The following DCDC1 variants were observed in gnomAD, a reference collection of about 807,000 sequenced individuals.
DCDC1 encodes doublecortin domain-containing protein 1.
Under a neutral mutation model 178.3 loss-of-function variants are expected in DCDC1, and 200 were observed. The ratio of observed to expected loss-of-function variants is 1.12; its 90% confidence interval spans 1.00 to 1.26. DCDC1 has a LOEUF of 1.26. Ranked by LOEUF, DCDC1 falls within the 50% of genes most tolerant of loss-of-function variation. The probability of loss-of-function intolerance (pLI) is 0.00; values close to 1 mark genes in which losing one functional copy is unlikely to be tolerated. For synonymous variants in DCDC1, 690 were observed against 604.8 expected, an observed-to-expected ratio of 1.14 and a Z score of -2.07; for missense variants, 1,983 against 1,749.2, an observed-to-expected ratio of 1.13 and a Z score of -2.38.
chr11:31,268,281 G>C (rs1377001538), intron 7 of DCDC1, among the ~76,000 whole-genome samples: 6 of 152,066 alleles, frequency 3.9e-5, no homozygotes, highest in South Asian at 2.1e-4. Flanking sequence ...TCTACTTGAA[G>C]GTAGTCCCAT....
In DCDC1 at chr11:31,226,708, T is replaced by TA. The variant is rs35522659; in HGVS notation, c.1221+14741dup. Among the ~76,000 whole-genome samples, 759 of 130,964 alleles carry TA rather than the reference T, an allele frequency of 5.8e-3. 1 individual carries two copies. Among genetic ancestry groups the TA allele is most frequent in the African/African-American group, 0.019 (673 of 35,234 alleles). 85.9% of individuals were successfully genotyped at this position (130,964 alleles called of 152,430 possible). ...TCTCAAAAAAGCAAGATCTCATCTCTAAAAAAAAAAAAAAAAGAAAGTTTT... is the reference window on the plus strand; with the variant it reads ...TCTCAAAAAAGCAAGATCTCATCTCTAAAAAAAAAAAAAAAAAGAAAGTTTT... On this transcript the variant is annotated intron_variant, in intron 9 of 38. Transcript: ENST00000684477.
At chr11:31,055,128 A>G (rs1955501954) in intron 20 of DCDC1, among the ~76,000 whole-genome samples, 1 of 152,168 alleles carries the variant, frequency 6.6e-6, no homozygotes, top group East Asian at 1.9e-4. Flanking sequence ...AACGAACTCA[A>G]ACACATCAGT....
At chr11:30,965,697 G>C (rs158583) in intron 20 of DCDC1, among the ~76,000 whole-genome samples, 103,723 of 140,174 alleles carry the variant, frequency 0.74, 39,692 homozygotes, top group African/African-American at 0.93. Context: ...GTGCGCTGCA[G>C]CCACTAACGT....
chr11:31,314,510 C>CA (rs1591734789), intron 3 of DCDC1: 1 of 152,202 alleles, frequency 6.6e-6, no homozygotes, highest in East Asian at 1.9e-4. Flanking sequence ...TTCAGAATCT[C>CA]ACAGAGCTGA....
At chr11:30,939,368 G>A (rs1947489832) in intron 21 of DCDC1, among the ~76,000 whole-genome samples, 1 of 152,172 alleles carries the variant, frequency 6.6e-6, no homozygotes, top group Admixed American at 6.5e-5. Context: ...CAGGTTGTGA[G>A]AAACACACTC....
At chr11:30,931,348 G>C (rs190635246) in intron 22 of DCDC1, among the ~76,000 whole-genome samples, 116 of 152,118 alleles carry the variant, frequency 7.6e-4, no homozygotes, top group African/African-American at 2.6e-3. Context: ...TTTGAGAACT[G>C]TATTTGTTCA....
At chr11:31,054,007 A>C (rs1016762120) in intron 20 of DCDC1, among the ~76,000 whole-genome samples, 4 of 152,174 alleles carry the variant, frequency 2.6e-5, no homozygotes, top group Non-Finnish European at 5.9e-5. Flanking sequence ...AAGGACATCC[A>C]AATCATTAAA....
chr11:31,010,562 C>T (rs1038461379), intron 20 of DCDC1, among the ~76,000 whole-genome samples: 7 of 152,174 alleles, frequency 4.6e-5, no homozygotes, highest in Admixed American at 6.5e-5. Flanking sequence ...AACATCCCAT[C>T]ACCTTTGCCA....
chr11:31,120,260 TC>T (rs1960603060), intron 11 of DCDC1, among the ~76,000 whole-genome samples: 1 of 152,120 alleles, frequency 6.6e-6, no homozygotes. Context: ...CCTAAAAATG[TC>T]TCCAAATCAG....
intron 9 of DCDC1, among the ~76,000 whole-genome samples, chr11:31,154,516 G>A (rs1965524039): frequency 2.0e-5 from 3 of 152,172 alleles, no homozygotes. Flanking sequence ...CCTTCTACCA[G>A]ACTGAGCTCC....
intron 9 of DCDC1, among the ~76,000 whole-genome samples, chr11:31,149,250 G>T (rs1189042879): frequency 6.6e-6 from 1 of 152,142 alleles, no homozygotes; most frequent in African/African-American, 2.4e-5. Context: ...GTAGTGAGAG[G>T]TGAAGCCAGC....
intron 1 of DCDC1, among the ~76,000 whole-genome samples, chr11:31,340,423 G>C (rs1950488056): frequency 6.6e-6 from 1 of 152,140 alleles, no homozygotes; most frequent in South Asian, 2.1e-4. Context: ...TGTGATCTGG[G>C]GGAACCAGTG....
chr11:30,932,131 T>A (rs1331405096), intron 21 of DCDC1, among the ~76,000 whole-genome samples, 179 bp from the exon 22 acceptor site: 1 of 152,176 alleles, frequency 6.6e-6, no homozygotes, highest in Non-Finnish European at 1.5e-5. Context: ...AGAGGAAAGA[T>A]AATTATTTTT....
intron 2 of DCDC1, among the ~76,000 whole-genome samples, chr11:31,329,930 G>T (rs1045348862): frequency 6.6e-6 from 1 of 152,210 alleles, no homozygotes; most frequent in East Asian, 1.9e-4. Context: ...TGGGATGGCT[G>T]GGTCAAATGG....
intron 1 of DCDC1, among the ~76,000 whole-genome samples, chr11:31,335,908 A>G (rs1346506674): frequency 6.6e-6 from 1 of 152,158 alleles, no homozygotes; most frequent in Non-Finnish European, 1.5e-5. Flanking sequence ...AGGAAAATAT[A>G]TTACTTTTAA....
chr11:30,952,626 A>G, intron 20 of DCDC1, 58 bp from the exon 21 acceptor site: 1 of 709,492 alleles, frequency 1.4e-6, no homozygotes. Context: ...TCACTTTAAA[A>G]TATTCATTTT....
At chr11:30,991,769 G>A (rs1951001077) in intron 20 of DCDC1, among the ~76,000 whole-genome samples, 1 of 152,100 alleles carries the variant, frequency 6.6e-6, no homozygotes, top group Non-Finnish European at 1.5e-5. Flanking sequence ...AAACATACAA[G>A]TAAATTTTTT....
At chr11:31,013,968 C>T (rs1374110758) in intron 20 of DCDC1, among the ~76,000 whole-genome samples, 1 of 152,190 alleles carries the variant, frequency 6.6e-6, no homozygotes, top group Non-Finnish European at 1.5e-5. Flanking sequence ...ATATAGCACT[C>T]AAAGATCCCT....
At chr11:31,066,863 T>C (rs887307836) in intron 18 of DCDC1, among the ~76,000 whole-genome samples, 2 of 152,156 alleles carry the variant, frequency 1.3e-5, no homozygotes, top group African/African-American at 4.8e-5. Flanking sequence ...CCTGTAGACT[T>C]TGGTAATGAT....
Sources: gnomAD v4.1 joint callset for allele counts (sites outside exome capture counted in the v4.1 genomes callset) on GRCh38, gnomAD v4.1.1 for gene constraint, MANE v1.5 for transcripts, NCBI Gene and HGNC (gene_info 2026-07-23, HGNC 2026-07-21) for gene names.